The following DNAI7 variants were observed in gnomAD, a reference collection of about 807,000 sequenced individuals.
DNAI7 encodes cancer susceptibility 1.
A neutral mutation model predicts 86.6 loss-of-function variants in DNAI7; 78 were observed. The observed-to-expected ratio is 0.90, with a 90% confidence interval of 0.75 to 1.09. The LOEUF is 1.09. Among genes scored for constraint, DNAI7 ranks in the 50% least tolerant of loss-of-function variants. DNAI7 has a pLI of 0.00. For synonymous variants in DNAI7, 274 were observed against 273.0 expected, an observed-to-expected ratio of 1.00 and a Z score of -0.04; for missense variants, 753 against 810.2, an observed-to-expected ratio of 0.93 and a Z score of 0.86.
At chr12:25,184,569 T>C (rs1273033612) in intron 2 of DNAI7, among the ~76,000 whole-genome samples, 1 of 152,236 alleles carries the variant, frequency 6.6e-6, no homozygotes, top group African/African-American at 2.4e-5. Context: ...GTTTAATTAC[T>C]GTTAAACCCA....
chr12:25,171,092 C>A (rs1948083517), intron 2 of DNAI7, among the ~76,000 whole-genome samples: 1 of 151,802 alleles, frequency 6.6e-6, no homozygotes, highest in African/African-American at 2.4e-5. Flanking sequence ...GCAAACCAAA[C>A]CCAAACCCAG....
intron 1 of DNAI7, among the ~76,000 whole-genome samples, chr12:25,193,625 G>A (rs890308387): frequency 3.3e-5 from 5 of 152,160 alleles, no homozygotes; most frequent in Non-Finnish European, 7.3e-5. Flanking sequence ...AGTACTCCGG[G>A]TGCATTAGAA....
In DNAI7 at chr12:25,163,313, C is replaced by CA. The variant is rs766160895; in HGVS notation, c.22-2117dup. Reference sequence around the variant, plus strand: ...TGCCTTAACTGATGACATTCCGCCACAAAAAAAGTGAAAATGGCCTGTTCC... The same window carrying CA: ...TGCCTTAACTGATGACATTCCGCCACAAAAAAAAGTGAAAATGGCCTGTTCC... On this transcript the variant is annotated intron_variant, in intron 2 of 15. Coordinates refer to ENST00000395987, the MANE Select transcript of DNAI7 (RefSeq NM_018272.5). Among the ~76,000 whole-genome samples, 132 of 152,072 alleles carry CA rather than the reference C, an allele frequency of 8.7e-4. 1 individual carries two copies. Among genetic ancestry groups the CA allele is most frequent in the Admixed American group, 1.4e-3 (22 of 15,266 alleles).
intron 2 of DNAI7, among the ~76,000 whole-genome samples, chr12:25,162,775 C>T (rs900252140): frequency 6.6e-6 from 1 of 152,240 alleles, no homozygotes. Flanking sequence ...CCTCTATCCT[C>T]CTCTTCCTCT....
rs376072026 is a variant in DNAI7, at chr12:25,155,332, C to T, written c.279G>A (p.Gln93=). 92 of 1,598,112 alleles carry T rather than the reference C, an allele frequency of 5.8e-5. No individual in the cohort carries two copies. Among genetic ancestry groups the T allele is most frequent in the Middle Eastern group, 1.7e-4 (1 of 6,036 alleles). ...CTACCTGAGAAAGCAATTTAGTTTC[C>T]TGTTTCAATTTCTCTGCTTCAGGAA... ...RCFPEAEKLK[Q]ETKLLSQWKH... Residue 93 remains glutamine, a synonymous_variant, in exon 5 of 16, where the codon CAG becomes CAA. Coordinates refer to ENST00000395987, the MANE Select transcript of DNAI7 (RefSeq NM_018272.5).
chr12:25,159,157 C>T (rs955667377), intron 3 of DNAI7, among the ~76,000 whole-genome samples: 3 of 152,188 alleles, frequency 2.0e-5, no homozygotes, highest in South Asian at 2.1e-4. Flanking sequence ...CTCTTCTTTG[C>T]TTCTTGTGGA....
At chr12:25,125,257 T>A (rs907008433) in intron 9 of DNAI7, among the ~76,000 whole-genome samples, 6 of 152,226 alleles carry the variant, frequency 3.9e-5, no homozygotes, top group Non-Finnish European at 5.9e-5. Context: ...GTGTTCCCTA[T>A]TCCCCGCAAC....
chr12:25,179,139 C>A (rs1295776566), intron 2 of DNAI7, among the ~76,000 whole-genome samples: 1 of 151,990 alleles, frequency 6.6e-6, no homozygotes, highest in Non-Finnish European at 1.5e-5. Flanking sequence ...TACTTCTTGA[C>A]CCATTTTAGA....
intron 2 of DNAI7, among the ~76,000 whole-genome samples, chr12:25,164,324 C>G (rs1329326455): frequency 6.6e-6 from 1 of 151,914 alleles, no homozygotes; most frequent in East Asian, 1.9e-4. Flanking sequence ...CTCCACTTTT[C>G]TGGGGCGCAA....
Position 25,160,417 on chromosome 12 carries a change from GACTCATTCTGATCACCTACTCCACACTA to G in DNAI7, c.106+668_106+695del, listed in dbSNP as rs1359090725. 4.6e-5 allele frequency among the ~76,000 whole-genome samples: 7 copies of G among 152,122 alleles called. No homozygotes were observed. The East Asian group carries it at 5.8e-4, about 13-fold the overall frequency. On this transcript the variant is annotated intron_variant, in intron 3 of 15. Coordinates refer to ENST00000395987, the MANE Select transcript of DNAI7 (RefSeq NM_018272.5). ...CTTTTTCGATTACTGACTCCACCCT[GACTCATTCTGATCACCTACTCCACACTA>G]ACTCATTCTGATCACCTGCTCCACC...
At chr12:25,108,864 T>G (rs1000274291) in intron 15 of DNAI7, 41 bp from the exon 16 acceptor site, 10 of 982,606 alleles carry the variant, frequency 1.0e-5, no homozygotes, top group Non-Finnish European at 1.4e-5. Context: ...TAATAATTCC[T>G]CTTCTATTCA....
chr12:25,190,839 T>A (rs927584978), intron 1 of DNAI7, among the ~76,000 whole-genome samples: 3 of 152,106 alleles, frequency 2.0e-5, no homozygotes, highest in African/African-American at 7.2e-5. Flanking sequence ...AAACTACAAA[T>A]AAGTATAGAA....
chr12:25,120,317 G>GAGA (rs1941020491), intron 11 of DNAI7, among the ~76,000 whole-genome samples: 2,729 of 80,834 alleles, frequency 0.034, 108 homozygotes, highest in African/African-American at 0.086. Context: ...GCAGGAAGAG[G>GAGA]GAGAGAGAGA....
chr12:25,180,408 C>A (rs11047876), intron 2 of DNAI7, among the ~76,000 whole-genome samples: 2 of 151,924 alleles, frequency 1.3e-5, no homozygotes, highest in Non-Finnish European at 2.9e-5. Context: ...AAATTACCAA[C>A]GTTATTTTTC....
At chr12:25,171,380 G>A (rs1190341579) in intron 2 of DNAI7, among the ~76,000 whole-genome samples, 1 of 151,996 alleles carries the variant, frequency 6.6e-6, no homozygotes. Flanking sequence ...TAGAAGAGAT[G>A]GATAAACTCC....
In DNAI7 at chr12:25,192,068, G is replaced by A. The variant is rs924500954; in HGVS notation, c.4-1437C>T. ...GTGCATATATTACACTAATTCACTC[G>A]GCAGATATTAATTAATGATTTACAC... On this transcript the variant is annotated intron_variant, in intron 1 of 15. Coordinates refer to ENST00000395987, the MANE Select transcript of DNAI7 (RefSeq NM_018272.5). 2.6e-5 allele frequency among the ~76,000 whole-genome samples: 4 copies of A among 152,146 alleles called. No individual in the cohort carries two copies. The South Asian group carries it at 6.2e-4, about 24-fold the overall frequency.
chr12:25,162,887 C>T (rs1439749187), intron 2 of DNAI7, among the ~76,000 whole-genome samples: 2 of 152,196 alleles, frequency 1.3e-5, no homozygotes, highest in African/African-American at 4.8e-5. Context: ...GAAAAACACA[C>T]ATGGGCTCAA....
At chr12:25,161,305 GC>G (rs1946814507) in intron 2 of DNAI7, 108 bp from the exon 3 acceptor site, 11 of 908,904 alleles carry the variant, frequency 1.2e-5, no homozygotes, top group Non-Finnish European at 2.0e-5. Flanking sequence ...CATAAAACCA[GC>G]CTTTCATGCA....
intron 1 of DNAI7, among the ~76,000 whole-genome samples, chr12:25,192,386 T>C (rs961767273): frequency 6.6e-6 from 1 of 152,174 alleles, no homozygotes; most frequent in Admixed American, 6.5e-5. Context: ...CACTATGTAG[T>C]GAAGTAGTTC....
Sources: gnomAD v4.1 joint callset for allele counts (sites outside exome capture counted in the v4.1 genomes callset) on GRCh38, gnomAD v4.1.1 for gene constraint, MANE v1.5 for transcripts, NCBI Gene and HGNC (gene_info 2026-07-23, HGNC 2026-07-21) for gene names.